CDC42EP2: variants seen among roughly 807,000 people sequenced by gnomAD.
The protein encoded by CDC42EP2 is CDC42 effector protein 2.
CDC42EP2 carries 5 observed loss-of-function variants against 7.3 expected under a neutral mutation model. That is an observed-to-expected ratio of 0.68 (90% confidence interval 0.36 to 1.44). The LOEUF (loss-of-function observed/expected upper bound fraction) is 1.44. Among genes scored for constraint, CDC42EP2 ranks in the 40% most tolerant of loss-of-function variants. The pLI is 0.04. For missense variants in CDC42EP2, 251 were observed against 282.6 expected, an observed-to-expected ratio of 0.89 and a Z score of 0.80; for synonymous variants, 113 against 123.6, an observed-to-expected ratio of 0.91 and a Z score of 0.57.
At chr11:65,319,848 A>C (rs1435741241) in intron 1 of CDC42EP2, among the ~76,000 whole-genome samples, 1 of 152,182 alleles carries the variant, frequency 6.6e-6, no homozygotes, top group Non-Finnish European at 1.5e-5. Context: ...GGCCCCCCAC[A>C]ATCTGGCACT....
intron 1 of CDC42EP2, among the ~76,000 whole-genome samples, chr11:65,316,629 G>A (rs552664079): frequency 2.6e-5 from 4 of 152,212 alleles, no homozygotes; most frequent in Non-Finnish European, 5.9e-5. Flanking sequence ...CATCTCTGAG[G>A]TTCAGCTTCG....
intron 1 of CDC42EP2, among the ~76,000 whole-genome samples, chr11:65,318,240 C>T (rs2137655660): frequency 6.6e-6 from 1 of 150,776 alleles, no homozygotes; most frequent in Middle Eastern, 3.4e-3. Flanking sequence ...GTATTACAGA[C>T]TTGTGCCACC....
rs773920762 is a variant in CDC42EP2 at position 65,320,895 on chromosome 11, C to A, written c.-4C>A. ...TCACAGCCAGGCCTGGTGGTGAGGT[C>A]ACCATGTCCACCAAGGTGCCCATCT... On this transcript the variant is annotated 5_prime_UTR_variant, in exon 2 of 2. Coordinates refer to ENST00000279249, the MANE Select transcript of CDC42EP2 (RefSeq NM_006779.4). 1 of 1,592,702 alleles carries A rather than the reference C, an allele frequency of 6.3e-7. No individual in the cohort carries two copies. The highest frequency in any genetic ancestry group is 8.6e-7 in the Non-Finnish European group (1 of 1,164,826).
Position 65,321,921 on chromosome 11 carries a change from C to T in CDC42EP2, c.*390C>T. On this transcript the variant is annotated 3_prime_UTR_variant, in exon 2 of 2. Coordinates refer to ENST00000279249, the MANE Select transcript of CDC42EP2 (RefSeq NM_006779.4). This position sits in a 1 kb window ranked among gnomAD's most constrained non-coding sequence, Gnocchi z 4.4. ...TGGGGGCAGGGGAAGAGACAGGGCA[C>T]AGCTGGCCACAGGGCTCAGCCACTG... is the stretch of plus-strand genomic sequence containing the variant. 4.7e-6 allele frequency: 1 copy of T among 211,120 alleles called. No individual in the cohort carries two copies. The highest frequency in any genetic ancestry group is 2.3e-5 in the African/African-American group (1 of 43,618). The allele number at this position is 211,120 out of a possible 1,614,324, so 13.1% of individuals were successfully genotyped here.
chr11:65,315,167 C>G lies in CDC42EP2; in HGVS notation c.-356+213C>G. On this transcript the variant is annotated intron_variant, in intron 1 of 1. Coordinates refer to ENST00000279249, the MANE Select transcript of CDC42EP2 (RefSeq NM_006779.4). The surrounding 1 kb of genome is among the most constrained non-coding windows in gnomAD (Gnocchi z 4.1). ...CGGTCCGTGGGGGCGCAACGCATCC[C>G]GACCCCGAATTCCCCGTTCTGCCCT... Among the ~76,000 whole-genome samples the G allele has an allele frequency of 6.6e-6, 1 of 152,196 alleles. No individual in the cohort carries two copies. The highest frequency in any genetic ancestry group is 1.9e-4 in the East Asian group (1 of 5,194).
rs1410951185 is a variant in CDC42EP2 at position 65,318,294 on chromosome 11, GC to G, written c.-355-2247del. Among the ~76,000 whole-genome samples, 3 of 142,142 alleles carry G rather than the reference GC, an allele frequency of 2.1e-5. No homozygotes were observed. The East Asian group carries it at 6.3e-4, about 30-fold the overall frequency. The allele number at this position is 142,142 out of a possible 152,430, so 93.3% of individuals were successfully genotyped here. ...TTTTGAGACGGAGACTCTCTCTGTT[GC>G]CCAGGCTGGAGTGCAGTGGCGCGAT... On this transcript the variant is annotated intron_variant, in intron 1 of 1. Transcript: ENST00000279249.
In CDC42EP2 at chr11:65,321,682, C is replaced by T. The variant is rs1949976271; in HGVS notation, c.*151C>T. ...CCTTCTGAGCCGTGTTTCCCCTCTC[C>T]CTCCCTCTCCACGTGGGCAGGGCAG... On this transcript the variant is annotated 3_prime_UTR_variant, in exon 2 of 2. Coordinates refer to ENST00000279249, the MANE Select transcript of CDC42EP2 (RefSeq NM_006779.4). This position sits in a 1 kb window ranked among gnomAD's most constrained non-coding sequence, Gnocchi z 4.4. The T allele has an allele frequency of 7.0e-6, 5 of 716,622 alleles. No individual in the cohort carries two copies. The highest frequency in any genetic ancestry group is 2.9e-5 in the Admixed American group (1 of 34,536). The allele number at this position is 716,622 out of a possible 1,614,324, so 44.4% of individuals were successfully genotyped here.
chr11:65,321,044 G>A lies in CDC42EP2; in HGVS notation c.146G>A (p.Ser49Asn), dbSNP rs1949971619. The A allele has an allele frequency of 6.2e-7, 1 of 1,613,952 alleles. No individual in the cohort carries two copies. Among genetic ancestry groups the A allele is most frequent in the Admixed American group, 1.7e-5 (1 of 60,002 alleles). ...ATTCATATTGGCAGTGGCGGCGGCA[G>A]TGACATGTTTGGCGACATCTCCTTC... ...HTIHIGSGGG[S>N]DMFGDISFLQ... The change falls in exon 2 of 2, where the codon AGT (serine) becomes AAT (asparagine). Residue 49 changes from serine (S) to asparagine (N), a missense_variant. Transcript: ENST00000279249. This position sits in a 1 kb window ranked among gnomAD's most constrained non-coding sequence, Gnocchi z 4.4.
intron 1 of CDC42EP2, among the ~76,000 whole-genome samples, chr11:65,316,654 C>T (rs1357544268): frequency 3.9e-5 from 6 of 152,128 alleles, no homozygotes; most frequent in African/African-American, 9.7e-5. Context: ...CTGTAAAGGG[C>T]CGTAATGACC....
Position 65,321,712 on chromosome 11 carries a change from C to T in CDC42EP2, c.*181C>T, listed in dbSNP as rs1949976382. ...CTCTCCACGTGGGCAGGGCAGGCCCCATCGCTTTCCTCTGATAACCACATG... is the reference window on the plus strand; with the variant it reads ...CTCTCCACGTGGGCAGGGCAGGCCCTATCGCTTTCCTCTGATAACCACATG... On this transcript the variant is annotated 3_prime_UTR_variant, in exon 2 of 2. Transcript: ENST00000279249. The surrounding 1 kb of genome is among the most constrained non-coding windows in gnomAD (Gnocchi z 4.4). 4.8e-6 allele frequency: 3 copies of T among 625,188 alleles called. No individual in the cohort carries two copies. Among genetic ancestry groups the T allele is most frequent in the Non-Finnish European group, 8.5e-6 (3 of 352,078 alleles). 38.7% of individuals were successfully genotyped at this position (625,188 alleles called of 1,614,324 possible).
In CDC42EP2 at chr11:65,321,923, G is replaced by A. The variant is rs532077902; in HGVS notation, c.*392G>A. On this transcript the variant is annotated 3_prime_UTR_variant, in exon 2 of 2. Transcript: ENST00000279249. The surrounding 1 kb of genome is among the most constrained non-coding windows in gnomAD (Gnocchi z 4.4). ...GGGGCAGGGGAAGAGACAGGGCACA[G>A]CTGGCCACAGGGCTCAGCCACTGAG... is the stretch of plus-strand genomic sequence containing the variant. The A allele has an allele frequency of 9.0e-5, 19 of 210,300 alleles. No individual in the cohort carries two copies. The highest frequency in any genetic ancestry group is 4.1e-4 in the African/African-American group (18 of 43,572). 13.0% of individuals were successfully genotyped at this position (210,300 alleles called of 1,614,324 possible).
At chr11:65,320,380 A>G (rs1274544777) in intron 1 of CDC42EP2, among the ~76,000 whole-genome samples, 164 bp from the exon 2 acceptor site, 1 of 152,174 alleles carries the variant, frequency 6.6e-6, no homozygotes, top group Admixed American at 6.5e-5. Flanking sequence ...CTGAGGCAGA[A>G]GAATTGCTTG....
intron 1 of CDC42EP2, among the ~76,000 whole-genome samples, chr11:65,319,041 TTCTC>T (rs4149827): frequency 4.6e-5 from 7 of 151,522 alleles, no homozygotes; most frequent in Non-Finnish European, 8.8e-5. Context: ...TGCATTTTGC[TTCTC>T]TCTCTCTGCA....
In CDC42EP2 at chr11:65,315,672, G is replaced by A. The variant is rs1319930110; in HGVS notation, c.-356+718G>A. Among the ~76,000 whole-genome samples, 1 of 152,262 alleles carries A rather than the reference G, an allele frequency of 6.6e-6. No homozygotes were observed. The highest frequency in any genetic ancestry group is 2.4e-5 in the African/African-American group (1 of 41,476). On this transcript the variant is annotated intron_variant, in intron 1 of 1. Coordinates refer to ENST00000279249, the MANE Select transcript of CDC42EP2 (RefSeq NM_006779.4). This position sits in a 1 kb window ranked among gnomAD's most constrained non-coding sequence, Gnocchi z 4.1. ...TGGGGACCGCCTGCCTGGAGCCCGG[G>A]GGAGGGGCGCTGGAGACCCCGGTGC...
chr11:65,316,537 CCACTG>C (rs1276276844), intron 1 of CDC42EP2, among the ~76,000 whole-genome samples: 1 of 152,132 alleles, frequency 6.6e-6, no homozygotes, highest in Non-Finnish European at 1.5e-5. Flanking sequence ...TAGGCGTGGC[CCACTG>C]CATGGGAACC....
rs200887482 is a variant in CDC42EP2, at chr11:65,321,504, C to A, written c.606C>A (p.Asp202Glu). 1.2e-6 allele frequency: 2 copies of A among 1,611,670 alleles called. No homozygotes were observed. The highest frequency in any genetic ancestry group is 1.7e-6 in the Non-Finnish European group (2 of 1,178,624). ...LDDVLQIMDQ[D>E]LDSMQIPT Reference sequence around the variant, plus strand: ...ATGTCCTGCAGATCATGGATCAGGACCTGGACAGCATGCAGATCCCCACAT... The same window carrying A: ...ATGTCCTGCAGATCATGGATCAGGAACTGGACAGCATGCAGATCCCCACAT... Residue 202 changes from aspartate (D) to glutamate (E), a missense_variant, in exon 2 of 2, where the codon GAC (aspartate) becomes GAA (glutamate). Coordinates refer to ENST00000279249, the MANE Select transcript of CDC42EP2 (RefSeq NM_006779.4). The surrounding 1 kb of genome is among the most constrained non-coding windows in gnomAD (Gnocchi z 4.4).
rs1565512401 is a variant in CDC42EP2, at chr11:65,321,588, T to C, written c.*57T>C. The C allele has an allele frequency of 4.0e-6, 6 of 1,512,948 alleles. No homozygotes were observed. The Admixed American group carries it at 6.1e-5, about 15-fold the overall frequency. 93.7% of individuals were successfully genotyped at this position (1,512,948 alleles called of 1,614,324 possible). A position where few individuals can be genotyped will look rare whatever the true frequency, so the allele number is the denominator to read the frequency against. On this transcript the variant is annotated 3_prime_UTR_variant, in exon 2 of 2. Coordinates refer to ENST00000279249, the MANE Select transcript of CDC42EP2 (RefSeq NM_006779.4). The surrounding 1 kb of genome is among the most constrained non-coding windows in gnomAD (Gnocchi z 4.4). Reference sequence around the variant, plus strand: ...TGGGGCCCAGCCAGGAGGTGGGGTGTGGACCCGGCCCTGGCGGCGGAGTCA... The same window carrying C: ...TGGGGCCCAGCCAGGAGGTGGGGTGCGGACCCGGCCCTGGCGGCGGAGTCA...
At position 65,321,488 on chromosome 11, in the gene CDC42EP2, A is replaced by AGATCATG; in HGVS notation, c.596_602dup (p.Gln201HisfsTer19). Reference sequence around the variant, plus strand: ...CCTTCCATCCTGGATGATGTCCTGCAGATCATGGATCAGGACCTGGACAGC... The same window carrying AGATCATG: ...CCTTCCATCCTGGATGATGTCCTGCAGATCATGGATCATGGATCAGGACCTGGACAGC... On this transcript the variant is annotated frameshift_variant, in exon 2 of 2. Transcript: ENST00000279249. LOFTEE classifies it high-confidence loss of function. The surrounding 1 kb of genome is among the most constrained non-coding windows in gnomAD (Gnocchi z 4.4). The AGATCATG allele has an allele frequency of 2.5e-6, 4 of 1,613,596 alleles. No individual in the cohort carries two copies. Among genetic ancestry groups the AGATCATG allele is most frequent in the Non-Finnish European group, 3.4e-6 (4 of 1,179,926 alleles).
chr11:65,318,886 T>C (rs1304813126), intron 1 of CDC42EP2, among the ~76,000 whole-genome samples: 11 of 128,980 alleles, frequency 8.5e-5, no homozygotes, highest in Non-Finnish European at 1.8e-4. Context: ...TTTTTTTTTT[T>C]TTTTTTTTTT....
Sources: gnomAD v4.1 joint callset for allele counts (sites outside exome capture counted in the v4.1 genomes callset) on GRCh38, gnomAD v4.1.1 for gene constraint, Gnocchi (gnomAD v3.1) non-coding constraint, MANE v1.5 for transcripts, NCBI Gene and HGNC (gene_info 2026-07-23, HGNC 2026-07-21) for gene names.